The following PRTFDC1 variants were observed in gnomAD, a reference collection of about 807,000 sequenced individuals.
PRTFDC1 encodes phosphoribosyltransferase domain-containing protein 1.
In PRTFDC1, 38 loss-of-function variants were observed where a neutral mutation model predicts 34.6. That is an observed-to-expected ratio of 1.10 (90% CI 0.85 to 1.44). PRTFDC1 has a LOEUF of 1.44. Among genes scored for constraint, PRTFDC1 ranks in the 40% most tolerant of loss-of-function variants. The pLI, the probability that PRTFDC1 is intolerant of heterozygous loss-of-function variation, is 0.00. For missense variants in PRTFDC1, 270 were observed against 283.0 expected (o/e 0.95, Z 0.33); for synonymous variants, 93 against 98.1 (o/e 0.95, Z 0.31).
intron 3 of PRTFDC1, among the ~76,000 whole-genome samples, chr10:24,932,400 A>G (rs1375018277): frequency 6.6e-6 from 1 of 151,998 alleles, no homozygotes; most frequent in Non-Finnish European, 1.5e-5. Flanking sequence ...CTTCATAGAA[A>G]ACCCAAAAGA....
chr10:24,865,324 G>C (rs542569026), intron 4 of PRTFDC1, among the ~76,000 whole-genome samples: 60 of 152,072 alleles, frequency 3.9e-4, no homozygotes, highest in Middle Eastern at 3.4e-3. Context: ...AATGTCTATT[G>C]CTTTTAATTT....
chr10:24,919,088 A>C (rs1037299796), intron 3 of PRTFDC1, among the ~76,000 whole-genome samples: 1 of 152,220 alleles, frequency 6.6e-6, no homozygotes, highest in African/African-American at 2.4e-5. Flanking sequence ...AAGGCACTTA[A>C]AATAGTACTT....
At chr10:24,926,576 G>A (rs1412173094) in intron 3 of PRTFDC1, among the ~76,000 whole-genome samples, 1 of 152,136 alleles carries the variant, frequency 6.6e-6, no homozygotes, top group Non-Finnish European at 1.5e-5. Context: ...CTCGAACTCC[G>A]GAGCTGAAGT....
chr10:24,878,642 A>G (rs1354496981), intron 3 of PRTFDC1, among the ~76,000 whole-genome samples: 3 of 152,332 alleles, frequency 2.0e-5, no homozygotes, highest in East Asian at 3.9e-4. Flanking sequence ...TAGGTACTAC[A>G]TAGAGCACGC....
intron 3 of PRTFDC1, among the ~76,000 whole-genome samples, chr10:24,879,478 G>A (rs1293249848): frequency 1.3e-5 from 2 of 152,026 alleles, no homozygotes; most frequent in African/African-American, 4.8e-5. Context: ...CAAGTAACTG[G>A]GATTACAGGT....
chr10:24,875,940 C>T (rs1356716481), intron 3 of PRTFDC1, among the ~76,000 whole-genome samples: 7 of 149,366 alleles, frequency 4.7e-5, no homozygotes, highest in Non-Finnish European at 7.4e-5. Flanking sequence ...ATTGCACCCT[C>T]GAACTCCTGG....
At chr10:24,950,892 A>C (rs945465783) in intron 1 of PRTFDC1, among the ~76,000 whole-genome samples, 2 of 152,212 alleles carry the variant, frequency 1.3e-5, no homozygotes, top group Admixed American at 1.3e-4. Flanking sequence ...ACTCTCCAGA[A>C]TTCCAAATGT....
intron 3 of PRTFDC1, among the ~76,000 whole-genome samples, chr10:24,930,620 A>C (rs1848956361): frequency 6.6e-6 from 1 of 152,152 alleles, no homozygotes; most frequent in Non-Finnish European, 1.5e-5. Flanking sequence ...TGTACACTCC[A>C]GTGGTCACAG....
chr10:24,880,983 T>TCCC, intron 3 of PRTFDC1, among the ~76,000 whole-genome samples: 6 of 136,362 alleles, frequency 4.4e-5, no homozygotes, highest in South Asian at 2.7e-4. Context: ...TCTTCCTCCC[T>TCCC]TCCTCCCTCC....
intron 3 of PRTFDC1, among the ~76,000 whole-genome samples, chr10:24,893,373 T>C (rs1238350492): frequency 1.1e-4 from 17 of 152,178 alleles, no homozygotes; most frequent in Admixed American, 1.1e-3. Flanking sequence ...ATTGCAGCCT[T>C]GAGCTCCTGC....
chr10:24,916,776 C>T (rs766120292), intron 3 of PRTFDC1, among the ~76,000 whole-genome samples: 4 of 152,102 alleles, frequency 2.6e-5, no homozygotes, highest in Non-Finnish European at 4.4e-5. Flanking sequence ...GTTTTATTTT[C>T]AATTTCCTGT....
intron 2 of PRTFDC1, 72 bp downstream of exon 2, chr10:24,942,258 A>G (rs1588626141): frequency 8.1e-7 from 1 of 1,238,206 alleles, no homozygotes. Context: ...GTCCTAAAGT[A>G]TATTGTGGGA....
At chr10:24,879,051 A>G (rs1322453740) in intron 3 of PRTFDC1, among the ~76,000 whole-genome samples, 1 of 152,212 alleles carries the variant, frequency 6.6e-6, no homozygotes, top group African/African-American at 2.4e-5. Context: ...AAGAATATTT[A>G]ATGATCAAGC....
chr10:24,902,745 T>A (rs1218651459), intron 3 of PRTFDC1, among the ~76,000 whole-genome samples: 1 of 152,182 alleles, frequency 6.6e-6, no homozygotes, highest in Non-Finnish European at 1.5e-5. Context: ...AAGATTACAG[T>A]TAGATTTCCT....
chr10:24,872,699 A>G (rs971602171), intron 3 of PRTFDC1, among the ~76,000 whole-genome samples: 1 of 142,404 alleles, frequency 7.0e-6, no homozygotes. Flanking sequence ...ATATATATAT[A>G]TACACAAAAT....
Position 24,867,361 on chromosome 10 carries a change from C to T in PRTFDC1, c.405+4637G>A, listed in dbSNP as rs77304018. Reference sequence around the variant, plus strand: ...GTGCTCCTGCAGGCTCCGCCTACCCCGCCTCCAAACTGCTCTCTCCTCTCT... The same window carrying T: ...GTGCTCCTGCAGGCTCCGCCTACCCTGCCTCCAAACTGCTCTCTCCTCTCT... On this transcript the variant is annotated intron_variant, in intron 4 of 8. Transcript: ENST00000320152. Among the ~76,000 whole-genome samples, 1,459 of 152,256 alleles carry T rather than the reference C, an allele frequency of 9.6e-3. 24 individuals carry two copies. The highest frequency in any genetic ancestry group is 0.033 in the African/African-American group (1,362 of 41,562).
intron 3 of PRTFDC1, among the ~76,000 whole-genome samples, chr10:24,927,463 A>C (rs143705583): frequency 7.6e-4 from 116 of 152,342 alleles, no homozygotes; most frequent in African/African-American, 2.7e-3. Context: ...TGAAGTCTGC[A>C]AAAATGTTTT....
chr10:24,855,843 C>A (rs1847563697), intron 6 of PRTFDC1, among the ~76,000 whole-genome samples: 1 of 151,812 alleles, frequency 6.6e-6, no homozygotes, highest in Non-Finnish European at 1.5e-5. Flanking sequence ...TAGCTGTCAG[C>A]CAGGCACAGT....
rs757699463 is a variant in PRTFDC1 at position 24,849,851 on chromosome 10, C to G, written c.671G>C (p.Arg224Pro). The change falls in exon 9 of 9, where the codon CGA (arginine) becomes CCA (proline). Residue 224 changes from arginine (R) to proline (P), a missense_variant. Arg to Pro is a moderately radical substitution (Grantham distance 103). Coordinates refer to ENST00000320152, the MANE Select transcript of PRTFDC1 (RefSeq NM_020200.7). ...TGGTGAGAATTCATGTCTTTAGACT[C>G]GATATTTTTCTTTACCGTGCTCATT... Reference protein sequence around the residue: ...VINEHGKEKYRV With the variant: ...VINEHGKEKYPV 3.7e-6 allele frequency: 6 copies of G among 1,613,498 alleles called. No individual in the cohort carries two copies. The South Asian group carries it at 6.6e-5, about 18-fold the overall frequency.
Sources: allele counts gnomAD v4.1 joint callset (sites outside exome capture counted in the v4.1 genomes callset), GRCh38; gene constraint gnomAD v4.1.1; transcripts MANE v1.5; gene names NCBI Gene and HGNC (gene_info 2026-07-23, HGNC 2026-07-21).